BTBD1: variants seen among roughly 807,000 people sequenced by gnomAD.
The protein encoded by BTBD1 is BTB/POZ domain-containing protein 1.
In BTBD1, 34 loss-of-function variants were observed where a neutral mutation model predicts 48.0. The observed-to-expected ratio is 0.71, with a 90% CI of 0.54 to 0.94. BTBD1 has a LOEUF of 0.94. Among genes scored for constraint, BTBD1 ranks in the 40% least tolerant of loss-of-function variants. BTBD1 has a pLI of 0.00. For missense variants in BTBD1, 543 were observed against 625.6 expected, an observed-to-expected ratio of 0.87 and a Z score of 1.41; for synonymous variants, 261 against 242.1, an observed-to-expected ratio of 1.08 and a Z score of -0.72.
chr15:83,056,895 C>T (rs768656844), intron 1 of BTBD1, among the ~76,000 whole-genome samples: 5 of 151,862 alleles, frequency 3.3e-5, no homozygotes, highest in Non-Finnish European at 7.4e-5. Context: ...CAGGTTTCAC[C>T]ATATTGCCCA....
intron 5 of BTBD1, among the ~76,000 whole-genome samples, chr15:83,029,305 CTA>C (rs1424684019): frequency 1.3e-5 from 2 of 152,164 alleles, no homozygotes; most frequent in Non-Finnish European, 2.9e-5. Context: ...GGCACTGATT[CTA>C]TTTTGACATT....
At chr15:83,052,178 A>G (rs2033000223) in intron 2 of BTBD1, among the ~76,000 whole-genome samples, 1 of 152,144 alleles carries the variant, frequency 6.6e-6, no homozygotes, top group Non-Finnish European at 1.5e-5. Flanking sequence ...GCTGGTCTCC[A>G]ACTCCTGACC....
intron 4 of BTBD1, among the ~76,000 whole-genome samples, chr15:83,039,819 C>CA (rs2032710371): frequency 6.7e-6 from 1 of 149,902 alleles, no homozygotes; most frequent in African/African-American, 2.4e-5. Context: ...CCAAAAAAAC[C>CA]AAAAAACATA....
At chr15:83,052,797 ATTTTT>A (rs398028150) in intron 2 of BTBD1, among the ~76,000 whole-genome samples, 2 of 94,546 alleles carry the variant, frequency 2.1e-5, no homozygotes, top group African/African-American at 8.8e-5. Flanking sequence ...CGCCCGGCTA[ATTTTT>A]TTTTTTTTTT....
chr15:83,042,675 C>T (rs756304277), intron 3 of BTBD1, among the ~76,000 whole-genome samples: 10 of 152,076 alleles, frequency 6.6e-5, no homozygotes, highest in Non-Finnish European at 1.0e-4. Context: ...TGAGCCACCG[C>T]GCCCAGCCAG....
intron 4 of BTBD1, among the ~76,000 whole-genome samples, chr15:83,037,711 T>G (rs956642835): frequency 1.3e-5 from 2 of 151,980 alleles, no homozygotes; most frequent in East Asian, 3.9e-4. Context: ...GGAAAAGAAA[T>G]AAAATGCACC....
chr15:83,063,640 C>T (rs2033211245), intron 1 of BTBD1, among the ~76,000 whole-genome samples: 1 of 152,280 alleles, frequency 6.6e-6, no homozygotes, highest in East Asian at 1.9e-4. Flanking sequence ...CAATCTCATT[C>T]AAAACTCTCC....
At chr15:83,044,348 C>A in intron 3 of BTBD1, 3 of 1,419,526 alleles carry the variant, frequency 2.1e-6, no homozygotes, top group Admixed American at 2.0e-5. Flanking sequence ...GCTCTGCATG[C>A]CCGCCCGCCC....
chr15:83,056,643 TA>T, intron 1 of BTBD1, 98 bp from the exon 2 acceptor site: 1 of 1,074,440 alleles, frequency 9.3e-7, no homozygotes, highest in Non-Finnish European at 1.3e-6. Flanking sequence ...CTTATATTTT[TA>T]TTTTATGTTT....
In BTBD1 at chr15:83,026,982, G is replaced by T. The variant is rs79203267; in HGVS notation, c.1055+3154C>A. Among the ~76,000 whole-genome samples the T allele has an allele frequency of 6.6e-4, 76 of 115,540 alleles. 1 individual carries two copies. Among genetic ancestry groups the T allele is most frequent in the African/African-American group, 2.3e-3 (69 of 29,860 alleles). The allele number at this position is 115,540 out of a possible 152,430, so 75.8% of individuals were successfully genotyped here. The stretch of plus-strand genomic sequence containing the variant: ...CTAGGGGAAATACGTGTGTGTGTGT[G>T]TGTGTGTGTGTATGTATGTATGTCT... On this transcript the variant is annotated intron_variant, in intron 5 of 7. Transcript: ENST00000261721.
chr15:83,025,080 T>C (rs1567102383), intron 5 of BTBD1, among the ~76,000 whole-genome samples: 2 of 152,026 alleles, frequency 1.3e-5, no homozygotes, highest in African/African-American at 2.4e-5. Flanking sequence ...CAGCCGGGTG[T>C]GGTTGCTCAC....
chr15:83,030,238 A>G lies in BTBD1; in HGVS notation c.953T>C (p.Ile318Thr), dbSNP rs761617843. 5.0e-6 allele frequency: 8 copies of G among 1,614,114 alleles called. No homozygotes were observed. Among genetic ancestry groups the G allele is most frequent in the Non-Finnish European group, 6.8e-6 (8 of 1,180,000 alleles). ...TVNPKPRVEY[I>T]DRPRCCLRGK... ...CCTGAGACAGCATCTTGGTCGGTCA[A>G]TGTATTCAACTCGGGGTTTAGGGTT... The change falls in exon 5 of 8, where the codon ATT becomes ACT. Residue 318 changes from isoleucine to threonine, a missense_variant. Around this residue, in one of 3 missense-constraint regions of BTBD1, gnomAD observed 300 missense variants for 350.0 expected, o/e 0.86. Transcript: ENST00000261721.
chr15:83,052,631 ATTT>A (rs35721041), intron 2 of BTBD1, among the ~76,000 whole-genome samples: 26 of 132,692 alleles, frequency 2.0e-4, no homozygotes, highest in Non-Finnish European at 1.9e-4. Flanking sequence ...ATATCAACAG[ATTT>A]TTTTTTTTTT....
chr15:83,035,901 T>TTATA (rs1567106208), intron 4 of BTBD1, among the ~76,000 whole-genome samples: 1 of 151,486 alleles, frequency 6.6e-6, no homozygotes, highest in East Asian at 1.9e-4. Flanking sequence ...GAAAAAAAAA[T>TTATA]ATATATAGAC....
intron 3 of BTBD1, among the ~76,000 whole-genome samples, chr15:83,048,456 G>A (rs1278533946): frequency 6.6e-6 from 1 of 152,162 alleles, no homozygotes; most frequent in East Asian, 1.9e-4. Flanking sequence ...AAAGCCACGG[G>A]CCTGGATTAG....
At chr15:83,039,976 G>C (rs1470855909) in intron 4 of BTBD1, among the ~76,000 whole-genome samples, 1 of 141,574 alleles carries the variant, frequency 7.1e-6, no homozygotes, top group African/African-American at 2.8e-5. Flanking sequence ...AGACTGGGTA[G>C]AGAATGTGAC....
chr15:83,022,878 T>A (rs1405909562), intron 5 of BTBD1, among the ~76,000 whole-genome samples: 2 of 150,376 alleles, frequency 1.3e-5, no homozygotes, highest in Non-Finnish European at 3.0e-5. Context: ...GGAGAATCGC[T>A]TGAACCTGGA....
At chr15:83,060,939 CTA>C (rs1462361763) in intron 1 of BTBD1, among the ~76,000 whole-genome samples, 1 of 152,120 alleles carries the variant, frequency 6.6e-6, no homozygotes, top group Admixed American at 6.5e-5. Context: ...TATTGAGGGA[CTA>C]TATAGCAGGC....
chr15:83,027,514 G>A (rs1029688594), intron 5 of BTBD1, among the ~76,000 whole-genome samples: 2 of 152,212 alleles, frequency 1.3e-5, no homozygotes, highest in African/African-American at 2.4e-5. Context: ...AAGAGCCAGA[G>A]TTTCTTGCAC....
Sources: gnomAD v4.1 joint callset for allele counts (sites outside exome capture counted in the v4.1 genomes callset) on GRCh38, gnomAD v4.1.1 for gene constraint, gnomAD v4.1.1 regional missense constraint, MANE v1.5 for transcripts, NCBI Gene and HGNC (gene_info 2026-07-23, HGNC 2026-07-21) for gene names.